Variants in RAP1GAP2 observed in about 807,000 individuals in gnomAD.
RAP1GAP2 encodes rap1 GTPase-activating protein 2.
In RAP1GAP2, 27 loss-of-function variants were observed where a neutral mutation model predicts 95.0. That is an observed-to-expected ratio of 0.28 (90% CI 0.21 to 0.39). The LOEUF is 0.39. Among genes scored for constraint, RAP1GAP2 ranks in the 10% least tolerant of loss-of-function variants. The pLI is 1.00. For synonymous variants in RAP1GAP2, 373 were observed against 380.9 expected (o/e 0.98, Z 0.24); for missense variants, 771 against 970.0 (o/e 0.79, Z 2.72).
At chr17:2,991,542 C>A (rs748846864) in intron 12 of RAP1GAP2, 145 bp downstream of exon 12, 12 of 662,666 alleles carry the variant, frequency 1.8e-5, no homozygotes, top group Admixed American at 2.6e-5. Context: ...TCGCTCACTG[C>A]ATTTCTAAGG....
Position 2,963,946 on chromosome 17 carries a change from A to G in RAP1GAP2, c.370A>G (p.Thr124Ala). 1.2e-6 allele frequency: 2 copies of G among 1,613,234 alleles called. No individual in the cohort carries two copies. The highest frequency in any genetic ancestry group is 1.7e-5 in the Admixed American group (1 of 59,982). The part of the protein sequence containing the change: ...IEDPENVGTP[T>A]SLGSSICEEE... ...GGACCCGGAGAACGTGGGCACCCCAACATCGCTGGGGAGCAGCATCTGTGA... is the reference window on the plus strand; with the variant it reads ...GGACCCGGAGAACGTGGGCACCCCAGCATCGCTGGGGAGCAGCATCTGTGA... The change falls in exon 7 of 25, where the codon ACA becomes GCA. Residue 124 changes from threonine (T) to alanine (A), a missense_variant. Coordinates refer to ENST00000254695, the MANE Select transcript of RAP1GAP2 (RefSeq NM_015085.5). This position sits in a 1 kb window ranked among gnomAD's most constrained non-coding sequence, Gnocchi z 4.8.
chr17:3,021,093 G>A (rs7502252), intron 19 of RAP1GAP2, among the ~76,000 whole-genome samples: 140,275 of 152,260 alleles, frequency 0.92, 64,732 homozygotes, highest in Non-Finnish European at 0.95. Context: ...TTTGGGGTAC[G>A]TGTGATATTT....
At chr17:2,814,911 C>T (rs1308222950) in intron 2 of RAP1GAP2, among the ~76,000 whole-genome samples, 3 of 152,086 alleles carry the variant, frequency 2.0e-5, no homozygotes, top group African/African-American at 4.8e-5. Flanking sequence ...GCAGACGCCC[C>T]GTGGAATTGA....
At chr17:3,032,271 G>T in intron 23 of RAP1GAP2, 140 bp from the exon 24 acceptor site, 3 of 883,714 alleles carry the variant, frequency 3.4e-6, no homozygotes, top group Non-Finnish European at 3.7e-6. Flanking sequence ...CAGATGTGAG[G>T]TGGGAAGTGC....
chr17:2,893,716 C>G lies in RAP1GAP2; in HGVS notation c.81-11568C>G, dbSNP rs374099061. On this transcript the variant is annotated intron_variant, in intron 2 of 24. Coordinates refer to ENST00000254695, the MANE Select transcript of RAP1GAP2 (RefSeq NM_015085.5). Reference sequence around the variant, plus strand: ...TGCTCTGACCATGACGCTGCTCCCCCCATGGAGGCCAGGCAGTGCCAGGCA... The same window carrying G: ...TGCTCTGACCATGACGCTGCTCCCCGCATGGAGGCCAGGCAGTGCCAGGCA... 1.2e-4 allele frequency among the ~76,000 whole-genome samples: 18 copies of G among 152,346 alleles called. No homozygotes were observed. In the East Asian group the frequency reaches 2.9e-3, roughly 25 times the overall value.
intron 2 of RAP1GAP2, among the ~76,000 whole-genome samples, chr17:2,823,448 G>A (rs539067062): frequency 6.6e-6 from 1 of 152,178 alleles, no homozygotes; most frequent in Non-Finnish European, 1.5e-5. Flanking sequence ...TTCTAGTTTC[G>A]TTGAAAAGCC....
intron 17 of RAP1GAP2, among the ~76,000 whole-genome samples, chr17:3,017,503 A>C (rs939175705): frequency 1.3e-5 from 2 of 152,196 alleles, no homozygotes; most frequent in African/African-American, 4.8e-5. Context: ...TGGCCAGCAT[A>C]TTCCAAGTTG....
At chr17:2,758,067 C>T (rs1457620952) in intron 1 of RAP1GAP2, among the ~76,000 whole-genome samples, 4 of 150,240 alleles carry the variant, frequency 2.7e-5, no homozygotes. Flanking sequence ...GACGGGGTTT[C>T]ACCATGTTAG....
chr17:3,030,214 C>T (rs778262354), intron 22 of RAP1GAP2, among the ~76,000 whole-genome samples: 1 of 127,350 alleles, frequency 7.9e-6, no homozygotes, highest in Non-Finnish European at 1.8e-5. Flanking sequence ...TCATGGCGCC[C>T]GGCCATGAGT....
At chr17:2,987,129 A>G (rs1012376223) in intron 11 of RAP1GAP2, among the ~76,000 whole-genome samples, 1 of 152,122 alleles carries the variant, frequency 6.6e-6, no homozygotes, top group Admixed American at 6.6e-5. Context: ...GTTCCAATAA[A>G]ACTTTATCGA....
At chr17:2,919,489 C>T (rs2042679173) in intron 3 of RAP1GAP2, among the ~76,000 whole-genome samples, 1 of 151,984 alleles carries the variant, frequency 6.6e-6, no homozygotes, top group East Asian at 1.9e-4. Context: ...CTTTTGCCTG[C>T]AGCTGATATT....
chr17:2,949,977 T>G (rs1207232693), intron 3 of RAP1GAP2, among the ~76,000 whole-genome samples: 1 of 152,026 alleles, frequency 6.6e-6, no homozygotes, highest in Admixed American at 6.5e-5. Context: ...GGCTGAATCA[T>G]AGCCCTTCTC....
intron 2 of RAP1GAP2, among the ~76,000 whole-genome samples, chr17:2,890,360 T>A (rs2151694004): frequency 6.6e-6 from 1 of 152,302 alleles, no homozygotes; most frequent in Non-Finnish European, 1.5e-5. Flanking sequence ...TTTGAACCAA[T>A]GATGGAAGCT....
intron 17 of RAP1GAP2, among the ~76,000 whole-genome samples, chr17:3,011,634 A>G (rs1359656782): frequency 5.1e-5 from 5 of 97,964 alleles, no homozygotes; most frequent in African/African-American, 7.6e-5. Flanking sequence ...TTTTTTTGAG[A>G]TGGAGTTTTG....
At chr17:2,977,272 A>C (rs943259213) in intron 8 of RAP1GAP2, among the ~76,000 whole-genome samples, 12 of 152,350 alleles carry the variant, frequency 7.9e-5, no homozygotes, top group African/African-American at 2.9e-4. Context: ...CTTTTATATA[A>C]ACATATAAAT....
At chr17:2,993,448 C>T (rs1183777009) in intron 12 of RAP1GAP2, among the ~76,000 whole-genome samples, 1 of 151,848 alleles carries the variant, frequency 6.6e-6, no homozygotes, top group Non-Finnish European at 1.5e-5. Flanking sequence ...TGGCACGTGC[C>T]TGTAGTCCCA....
intron 3 of RAP1GAP2, among the ~76,000 whole-genome samples, chr17:2,954,044 G>A (rs765960705): frequency 6.6e-6 from 1 of 152,042 alleles, no homozygotes; most frequent in Non-Finnish European, 1.5e-5. Flanking sequence ...GTCTCTATGA[G>A]GTTGCATACT....
rs536184695 is a variant in RAP1GAP2 at position 2,868,822 on chromosome 17, A to G, written c.81-36462A>G. Among the ~76,000 whole-genome samples, 10 of 152,276 alleles carry G rather than the reference A, an allele frequency of 6.6e-5. No homozygotes were observed. The South Asian group carries it at 1.5e-3, about 22-fold the overall frequency. On this transcript the variant is annotated intron_variant, in intron 2 of 24. Transcript: ENST00000254695. ...GTGTGAGCCACTGTGCCCGGCCAGA[A>G]CAGATAGTGTTTAATTCCACTTTGT...
At chr17:2,774,713 C>T (rs2096963772), upstream of RAP1GAP2, among the ~76,000 whole-genome samples, 1 of 151,870 alleles carries the variant, frequency 6.6e-6, no homozygotes, top group African/African-American at 2.4e-5. Flanking sequence ...TCAGGTGATC[C>T]ACCCACCTTG....
Sources: allele counts gnomAD v4.1 joint callset (sites outside exome capture counted in the v4.1 genomes callset), GRCh38; gene constraint gnomAD v4.1.1; non-coding constraint Gnocchi (gnomAD v3.1); transcripts MANE v1.5; gene names NCBI Gene and HGNC (gene_info 2026-07-23, HGNC 2026-07-21).